Variants in CAMKMT observed in about 807,000 individuals in gnomAD.
CAMKMT encodes calmodulin-lysine N-methyltransferase, also known as CaM KMT.
CAMKMT carries 53 observed loss-of-function variants against 48.0 expected under a neutral mutation model. The ratio of observed to expected loss-of-function variants is 1.10; its 90% CI spans 0.89 to 1.39. The LOEUF (loss-of-function observed/expected upper bound fraction) is 1.39, where lower values mean the gene tolerates loss of function less well. Among genes scored for constraint, CAMKMT ranks in the 40% most tolerant of loss-of-function variants. CAMKMT has a pLI of 0.00. For missense variants in CAMKMT, 428 were observed against 402.7 expected (o/e 1.06, Z -0.54); for synonymous variants, 165 against 152.3 (o/e 1.08, Z -0.61).
intron 3 of CAMKMT, among the ~76,000 whole-genome samples, chr2:44,581,842 T>G (rs1407936692): frequency 6.6e-6 from 1 of 151,904 alleles, no homozygotes; most frequent in African/African-American, 2.4e-5. Flanking sequence ...CTACTAAAAG[T>G]ACACATATTA....
At chr2:44,546,198 CACACAT>C (rs1309055630) in intron 3 of CAMKMT, among the ~76,000 whole-genome samples, 7 of 144,472 alleles carry the variant, frequency 4.8e-5, no homozygotes, top group Admixed American at 2.8e-4. Context: ...CACACACACA[CACACAT>C]ACATGCACAT....
intron 3 of CAMKMT, among the ~76,000 whole-genome samples, chr2:44,556,292 C>T (rs1007593492): frequency 6.6e-6 from 1 of 151,874 alleles, no homozygotes; most frequent in African/African-American, 2.4e-5. Context: ...GTGGCTGCCA[C>T]CACACCTGGC....
chr2:44,534,601 T>C (rs889397862), intron 3 of CAMKMT, among the ~76,000 whole-genome samples: 1 of 152,070 alleles, frequency 6.6e-6, no homozygotes, highest in Non-Finnish European at 1.5e-5. Context: ...TATACAAATA[T>C]ATGGAAATTA....
At chr2:44,627,988 C>T (rs1672590556) in intron 3 of CAMKMT, among the ~76,000 whole-genome samples, 1 of 152,114 alleles carries the variant, frequency 6.6e-6, no homozygotes, top group Non-Finnish European at 1.5e-5. Flanking sequence ...TAGGCATGAG[C>T]CACCATGCCT....
intron 3 of CAMKMT, among the ~76,000 whole-genome samples, chr2:44,570,565 A>G (rs1308668105): frequency 6.6e-6 from 1 of 152,186 alleles, no homozygotes; most frequent in Non-Finnish European, 1.5e-5. Context: ...TCAGAGCTAA[A>G]TTAGTGTTTA....
At chr2:44,516,686 A>G (rs1191972004) in intron 3 of CAMKMT, among the ~76,000 whole-genome samples, 1 of 151,894 alleles carries the variant, frequency 6.6e-6, no homozygotes, top group East Asian at 1.9e-4. Flanking sequence ...ACTTAAAAAC[A>G]TAAGATTATT....
At chr2:44,553,062 T>C (rs1667808943) in intron 3 of CAMKMT, among the ~76,000 whole-genome samples, 1 of 152,218 alleles carries the variant, frequency 6.6e-6, no homozygotes, top group Non-Finnish European at 1.5e-5. Context: ...AGAAATTAAG[T>C]ACTAGATGTG....
chr2:44,521,363 C>A (rs1671100205), intron 3 of CAMKMT, among the ~76,000 whole-genome samples: 1 of 152,220 alleles, frequency 6.6e-6, no homozygotes, highest in Admixed American at 6.5e-5. Context: ...ACTGCAACCT[C>A]TGCCTCCCAG....
intron 3 of CAMKMT, among the ~76,000 whole-genome samples, chr2:44,597,560 G>A (rs945467831): frequency 1.3e-5 from 2 of 152,160 alleles, no homozygotes; most frequent in African/African-American, 4.8e-5. Context: ...CCCTTGCTGT[G>A]TCATGAGCCC....
At chr2:44,615,638 G>A (rs997845313) in intron 3 of CAMKMT, among the ~76,000 whole-genome samples, 4 of 151,972 alleles carry the variant, frequency 2.6e-5, no homozygotes, top group African/African-American at 9.7e-5. Flanking sequence ...ACATTTGAGG[G>A]GCATTGGGCA....
chr2:44,605,585 G>T (rs1454937286), intron 3 of CAMKMT, among the ~76,000 whole-genome samples: 1 of 152,006 alleles, frequency 6.6e-6, no homozygotes, highest in Non-Finnish European at 1.5e-5. Context: ...TAAGTGTTTG[G>T]GGACAACATT....
intron 3 of CAMKMT, among the ~76,000 whole-genome samples, chr2:44,474,143 A>G (rs1383751579): frequency 1.3e-5 from 2 of 152,070 alleles, no homozygotes; most frequent in African/African-American, 2.4e-5. Flanking sequence ...TCTGAACTTA[A>G]TAGAAATTTA....
At chr2:44,768,635 A>G (rs1035400902) in intron 10 of CAMKMT, among the ~76,000 whole-genome samples, 1 of 152,102 alleles carries the variant, frequency 6.6e-6, no homozygotes, top group African/African-American at 2.4e-5. Context: ...GCGGAGGCCC[A>G]AGGCAGCACC....
intron 3 of CAMKMT, among the ~76,000 whole-genome samples, chr2:44,587,553 C>T (rs1259954995): frequency 3.6e-5 from 5 of 140,758 alleles, no homozygotes; most frequent in Non-Finnish European, 6.2e-5. Context: ...CTGCTGCCAT[C>T]TCGGCTCACT....
rs1370577135 is a variant in CAMKMT, at chr2:44,653,880, C to G, written c.377-50403C>G. ...ATATTTGTTGAGTGAAAGAATGAAA[C>G]CAAAACTGTCACATTTTAGCCTAAA... On this transcript the variant is annotated intron_variant, in intron 3 of 10. Transcript: ENST00000378494. This position sits in a 1 kb window ranked among gnomAD's most constrained non-coding sequence, Gnocchi z 5.2. Among the ~76,000 whole-genome samples the G allele has an allele frequency of 1.3e-5, 2 of 152,098 alleles. No individual in the cohort carries two copies. The highest frequency in any genetic ancestry group is 2.9e-5 in the Non-Finnish European group (2 of 68,016).
chr2:44,478,622 G>A (rs932148839), intron 3 of CAMKMT, among the ~76,000 whole-genome samples: 1 of 151,788 alleles, frequency 6.6e-6, no homozygotes, highest in Non-Finnish European at 1.5e-5. Context: ...AATTTGTATG[G>A]ATGGAATAAA....
chr2:44,717,177 T>G (rs950522228), intron 7 of CAMKMT, among the ~76,000 whole-genome samples: 3 of 152,020 alleles, frequency 2.0e-5, no homozygotes, highest in Admixed American at 6.6e-5. Flanking sequence ...TGCTCTGATA[T>G]GTACCTGGAC....
chr2:44,525,671 A>G (rs1171573159), intron 3 of CAMKMT, among the ~76,000 whole-genome samples: 1 of 152,120 alleles, frequency 6.6e-6, no homozygotes, highest in Non-Finnish European at 1.5e-5. Flanking sequence ...AGTTCTTTTC[A>G]TCATCTTATT....
At chr2:44,690,011 G>C (rs552471581) in intron 3 of CAMKMT, among the ~76,000 whole-genome samples, 1 of 152,166 alleles carries the variant, frequency 6.6e-6, no homozygotes, top group Non-Finnish European at 1.5e-5. Context: ...TAGGTGTAGG[G>C]CAGTTATTTT....
Sources: gnomAD v4.1 joint callset for allele counts (sites outside exome capture counted in the v4.1 genomes callset) on GRCh38, gnomAD v4.1.1 for gene constraint, Gnocchi (gnomAD v3.1) non-coding constraint, MANE v1.5 for transcripts, NCBI Gene and HGNC (gene_info 2026-07-23, HGNC 2026-07-21) for gene names.